IKBKE: variants seen among roughly 807,000 people sequenced by gnomAD.
IKBKE encodes inhibitor of nuclear factor kappa B kinase subunit epsilon, also known as inhibitor of nuclear factor kappa-B kinase subunit epsilon.
Under a neutral mutation model 92.1 loss-of-function variants are expected in IKBKE, and 45 were observed. That is an observed-to-expected ratio of 0.49 (90% CI 0.38 to 0.63). The LOEUF (loss-of-function observed/expected upper bound fraction) is 0.63. IKBKE is among the 20% of genes least tolerant of loss of function. The pLI, the probability that IKBKE is intolerant of heterozygous loss-of-function variation, is 0.00. For synonymous variants in IKBKE, 374 were observed against 380.3 expected (o/e 0.98, Z 0.19); for missense variants, 700 against 932.8 (o/e 0.75, Z 3.25).
chr1:206,479,261 C>A, intron 10 of IKBKE, 128 bp downstream of exon 10: 4 of 784,136 alleles, frequency 5.1e-6, no homozygotes, highest in Non-Finnish European at 7.9e-6. Flanking sequence ...GAGCAGGAGG[C>A]AGATGTGGGT....
At chr1:206,479,842 G>C (rs1553386488) in intron 10 of IKBKE, 28 bp from the exon 11 acceptor site, 2 of 1,612,184 alleles carry the variant, frequency 1.2e-6, no homozygotes, top group Non-Finnish European at 1.7e-6. Flanking sequence ...ATACAGGCAG[G>C]CCCCTCAGAC....
Position 206,478,251 on chromosome 1 carries a change from A to G in IKBKE, c.904A>G (p.Thr302Ala), listed in dbSNP as rs782536745. Residue 302 changes from threonine (T) to alanine (A), a missense_variant, in exon 9 of 22, where the codon ACC becomes GCC. Thr to Ala is a moderately conservative substitution (Grantham distance 58). Coordinates refer to ENST00000581977, the MANE Select transcript of IKBKE (RefSeq NM_014002.4). The surrounding 1 kb of genome is among the most constrained non-coding windows in gnomAD (Gnocchi z 4.8). ...GGGCTTCGACCAGTTCTTTGCGGAG[A>G]CCAGTGACATCCTGCAGCGAGTTGT... ...CWGFDQFFAETSDILQRVVVH... is the reference protein window; with the variant it reads ...CWGFDQFFAEASDILQRVVVH... 1 of 1,614,130 alleles carries G rather than the reference A, an allele frequency of 6.2e-7. No individual in the cohort carries two copies. The highest frequency in any genetic ancestry group is 1.1e-5 in the South Asian group (1 of 91,082).
At chr1:206,473,419 A>G (rs1400545802) in intron 3 of IKBKE, 105 bp downstream of exon 3, 2 of 784,708 alleles carry the variant, frequency 2.5e-6, no homozygotes, top group South Asian at 1.6e-5. Context: ...GTGGTGGGAC[A>G]GGGACCTCTG....
rs782329071 is a variant in IKBKE at position 206,490,872 on chromosome 1, C to T, written c.1733+14C>T. 7 of 1,613,648 alleles carry T rather than the reference C, an allele frequency of 4.3e-6. No homozygotes were observed. The highest frequency in any genetic ancestry group is 5.9e-6 in the Non-Finnish European group (7 of 1,179,624). ...CAAGCTGGATAAGTGAGTGGCCTGT[C>T]CTCCGGCAGGTGGGTGGGCAGGAGG... On this transcript the variant is annotated intron_variant, in intron 17 of 21. Transcript: ENST00000581977. This position sits in a 1 kb window ranked among gnomAD's most constrained non-coding sequence, Gnocchi z 5.2.
Position 206,487,468 on chromosome 1 carries a change from A to AT in IKBKE, c.1617-445dup, listed in dbSNP as rs1199658791. On this transcript the variant is annotated intron_variant, in intron 15 of 21. Transcript: ENST00000581977. This position sits in a 1 kb window ranked among gnomAD's most constrained non-coding sequence, Gnocchi z 5.3. ...CACACATTGGGTAAACCAAGAAGCT[A>AT]TATTCTTCTGCTTTTTCCAGTTGAC... 1.3e-5 allele frequency among the ~76,000 whole-genome samples: 2 copies of AT among 152,162 alleles called. No individual in the cohort carries two copies. The highest frequency in any genetic ancestry group is 4.8e-5 in the African/African-American group (2 of 41,442).
At chr1:206,475,236 A>T (rs1553384952) in intron 5 of IKBKE, 2 of 496,778 alleles carry the variant, frequency 4.0e-6, no homozygotes, top group East Asian at 3.2e-5. Context: ...AATATTATTC[A>T]GTCTTAAAAG....
intron 4 of IKBKE, 65 bp from the exon 5 acceptor site, chr1:206,474,800 C>T (rs1664969176): frequency 1.9e-6 from 3 of 1,582,960 alleles, no homozygotes; most frequent in African/African-American, 2.7e-5. Context: ...GGCTGAGCCA[C>T]TTCTTCCTGG....
intron 10 of IKBKE, among the ~76,000 whole-genome samples, 199 bp from the exon 11 acceptor site, chr1:206,479,671 C>T (rs1665265746): frequency 6.6e-6 from 1 of 152,180 alleles, no homozygotes; most frequent in Admixed American, 6.5e-5. Flanking sequence ...AGGTAGTTCT[C>T]AAAAGTGGCC....
Position 206,478,037 on chromosome 1 carries a change from A to T in IKBKE, c.813-123A>T. ...TCTTCCAGCTCTTCCTCCCCAACCC[A>T]CCCTGCCCCACCATCTTGGTCCTAG... On this transcript the variant is annotated intron_variant, in intron 8 of 21. Coordinates refer to ENST00000581977, the MANE Select transcript of IKBKE (RefSeq NM_014002.4). This position sits in a 1 kb window ranked among gnomAD's most constrained non-coding sequence, Gnocchi z 4.8. 1.5e-6 allele frequency: 1 copy of T among 675,402 alleles called. No individual in the cohort carries two copies. Among genetic ancestry groups the T allele is most frequent in the Non-Finnish European group, 2.6e-6 (1 of 391,270 alleles). 41.8% of individuals were successfully genotyped at this position (675,402 alleles called of 1,614,324 possible). A position where few individuals can be genotyped will look rare whatever the true frequency, so the allele number is the denominator to read the frequency against.
rs79766420 is a variant in IKBKE, at chr1:206,470,776, G to A, written c.-123+78G>A. 1,141 of 152,460 alleles carry A rather than the reference G, an allele frequency of 7.5e-3. 24 individuals carry two copies. Among genetic ancestry groups the A allele is most frequent in the Admixed American group, 0.045 (683 of 15,296 alleles). 9.4% of individuals were successfully genotyped at this position (152,460 alleles called of 1,614,324 possible). On this transcript the variant is annotated intron_variant, in intron 1 of 21. Coordinates refer to ENST00000581977, the MANE Select transcript of IKBKE (RefSeq NM_014002.4). ...GGGGCAGCTGCAGGGCAGCTCAGCC[G>A]GGTGCAGGGGTGTGGGCTTGTTGGC...
Position 206,490,994 on chromosome 1 carries a change from G to A in IKBKE, c.1733+136G>A, listed in dbSNP as rs1455349750. 1.3e-5 allele frequency: 10 copies of A among 786,044 alleles called. No individual in the cohort carries two copies. The highest frequency in any genetic ancestry group is 2.0e-5 in the Non-Finnish European group (9 of 453,886). The allele number at this position is 786,044 out of a possible 1,614,324, so 48.7% of individuals were successfully genotyped here. A position where few individuals can be genotyped will look rare whatever the true frequency, so the allele number is the denominator to read the frequency against. On this transcript the variant is annotated intron_variant, in intron 17 of 21. Coordinates refer to ENST00000581977, the MANE Select transcript of IKBKE (RefSeq NM_014002.4). This position sits in a 1 kb window ranked among gnomAD's most constrained non-coding sequence, Gnocchi z 5.2. ...AGCTGAGCAGAGTTGGGGATAACAG[G>A]TTATCTGGGGCCAGGGGAGGGAGTA...
intron 13 of IKBKE, 60 bp downstream of exon 13, chr1:206,480,593 C>G: frequency 8.2e-7 from 1 of 1,221,222 alleles, no homozygotes; most frequent in Non-Finnish European, 1.2e-6. Flanking sequence ...GCTCCTCACC[C>G]TAGATACTTC....
chr1:206,477,928 A>C (rs1665160661), intron 8 of IKBKE, 69 bp downstream of exon 8: 2 of 1,116,932 alleles, frequency 1.8e-6, no homozygotes, highest in South Asian at 2.7e-5. Flanking sequence ...TGCTAAGTCA[A>C]GACTTCTGAG....
rs1553386591 is a variant in IKBKE, at chr1:206,480,058, G to A, written c.1285G>A (p.Ala429Thr). 1 of 1,604,588 alleles carries A rather than the reference G, an allele frequency of 6.2e-7. No individual in the cohort carries two copies. Residue 429 changes from alanine (A) to threonine (T), a missense_variant, in exon 12 of 22, where the codon GCA becomes ACA. By Grantham distance (58) the Ala-to-Thr change is moderately conservative. Transcript: ENST00000581977. ...LGAGYQALRL[A>T]RALLDGQELM... ...CGCCGGCTACCAGGCCCTGCGGCTG[G>A]CACGGGCCCTGCTGGATGGGCAGGA...
Position 206,496,233 on chromosome 1 carries a change from C to A in IKBKE, c.*88C>A, listed in dbSNP as rs1217381050. 4.6e-6 allele frequency: 5 copies of A among 1,089,566 alleles called. No homozygotes were observed. The highest frequency in any genetic ancestry group is 1.5e-5 in the African/African-American group (1 of 65,118). The allele number at this position is 1,089,566 out of a possible 1,614,324, so 67.5% of individuals were successfully genotyped here. ...CCATGAGACCAACCCAGGGCAAGAT[C>A]CCATCCCATCACATCAGCCTACCTC... On this transcript the variant is annotated 3_prime_UTR_variant, in exon 22 of 22. Transcript: ENST00000581977.
At position 206,480,310 on chromosome 1, in the gene IKBKE, G is replaced by T. The variant is rs1457983789; in HGVS notation, c.1341-137G>T. The T allele has an allele frequency of 1.0e-5, 7 of 688,924 alleles. No individual in the cohort carries two copies. In the Admixed American group the frequency reaches 1.3e-4, roughly 13 times the overall value. The allele number at this position is 688,924 out of a possible 1,614,324, so 42.7% of individuals were successfully genotyped here. ...TGGAGGGGGAGGCGGGCTGTAGGTG[G>T]AGGCAGGCCGGAGGGGGAGGCAGGC... On this transcript the variant is annotated intron_variant, in intron 12 of 21. Transcript: ENST00000581977.
chr1:206,480,556 C>T (rs2103464365), intron 13 of IKBKE, 23 bp downstream of exon 13: 1 of 1,563,796 alleles, frequency 6.4e-7, no homozygotes, highest in Non-Finnish European at 8.8e-7. Context: ...CTCAGGCCAG[C>T]TGGGACCTCT....
intron 18 of IKBKE, 30 bp downstream of exon 18, chr1:206,491,779 C>CAGG: frequency 6.5e-7 from 1 of 1,544,614 alleles, no homozygotes; most frequent in Non-Finnish European, 8.9e-7. Context: ...TCCTGGAGCC[C>CAGG]AGGGCCTGGC....
rs149591181 is a variant in IKBKE, at chr1:206,474,874, C to T, written c.238C>T (p.Arg80Trp). 91 of 1,613,958 alleles carry T rather than the reference C, an allele frequency of 5.6e-5. No homozygotes were observed. Among genetic ancestry groups the T allele is most frequent in the African/African-American group, 2.8e-4 (21 of 75,014 alleles). Residue 80 changes from arginine (R) to tryptophan (W), a missense_variant, in exon 5 of 22, where the codon CGG becomes TGG. Transcript: ENST00000581977. ...TCTGTCCCACCCATAGGGCGGAAGC[C>T]GGCAGAAGGTACTGGTGATGGAGTA... ...LFAVEETGGS[R>W]QKVLVMEYCS...
Sources: gnomAD v4.1 joint callset for allele counts (sites outside exome capture counted in the v4.1 genomes callset) on GRCh38, gnomAD v4.1.1 for gene constraint, Gnocchi (gnomAD v3.1) non-coding constraint, MANE v1.5 for transcripts, NCBI Gene and HGNC (gene_info 2026-07-23, HGNC 2026-07-21) for gene names.